TRPS1: variants seen among roughly 807,000 people sequenced by gnomAD.
TRPS1 encodes transcriptional repressor GATA binding 1, also known as zinc finger transcription factor Trps1.
TRPS1 carries 6 observed loss-of-function variants against 101.2 expected under a neutral mutation model. The observed-to-expected ratio is 0.06, with a 90% CI of 0.03 to 0.12. TRPS1 has a LOEUF of 0.12. Among genes scored for constraint, TRPS1 ranks in the 10% least tolerant of loss-of-function variants. The pLI is 1.00. For synonymous variants in TRPS1, 578 were observed against 589.8 expected, an observed-to-expected ratio of 0.98 and a Z score of 0.29; for missense variants, 1,363 against 1,567.0, an observed-to-expected ratio of 0.87 and a Z score of 2.20.
At chr8:115,655,523 A>T (rs1811658251) in intron 1 of TRPS1, among the ~76,000 whole-genome samples, 2 of 152,166 alleles carry the variant, frequency 1.3e-5, no homozygotes, top group South Asian at 4.1e-4. Flanking sequence ...AGGTGATTTC[A>T]TCTATTCTTC....
chr8:115,613,607 C>T (rs1488180707), intron 3 of TRPS1, among the ~76,000 whole-genome samples: 1 of 152,202 alleles, frequency 6.6e-6, no homozygotes, highest in Non-Finnish European at 1.5e-5. Flanking sequence ...TCTACTTATG[C>T]AACTCTGTGA....
intron 5 of TRPS1, among the ~76,000 whole-genome samples, chr8:115,542,627 G>A (rs1020644765): frequency 1.3e-5 from 2 of 152,056 alleles, no homozygotes; most frequent in African/African-American, 4.8e-5. Context: ...CCACTCCCAA[G>A]TTTGCACCCT....
At chr8:115,555,381 A>G (rs975743559) in intron 5 of TRPS1, among the ~76,000 whole-genome samples, 1 of 152,046 alleles carries the variant, frequency 6.6e-6, no homozygotes, top group African/African-American at 2.4e-5. Context: ...CACTTCCAAC[A>G]TCAAGAATTC....
chr8:115,538,203 C>A (rs1816368121), intron 5 of TRPS1, among the ~76,000 whole-genome samples: 1 of 152,142 alleles, frequency 6.6e-6, no homozygotes. Context: ...TGGGTGAAAC[C>A]AATTCAACCC....
chr8:115,421,753 G>A (rs1371737454), intron 5 of TRPS1, among the ~76,000 whole-genome samples: 1 of 152,202 alleles, frequency 6.6e-6, no homozygotes, highest in African/African-American at 2.4e-5. Flanking sequence ...GTCCTGAGCT[G>A]TGTCACTACA....
At chr8:115,520,176 A>G (rs547721935) in intron 5 of TRPS1, among the ~76,000 whole-genome samples, 2 of 151,860 alleles carry the variant, frequency 1.3e-5, no homozygotes, top group Admixed American at 6.6e-5. Flanking sequence ...TTTTAATTAC[A>G]TGAGGTTTTT....
At chr8:115,480,966 T>C (rs1259645916) in intron 5 of TRPS1, among the ~76,000 whole-genome samples, 2 of 152,092 alleles carry the variant, frequency 1.3e-5, no homozygotes, top group African/African-American at 2.4e-5. Context: ...TATTTAAATA[T>C]ACTTTAGGAG....
chr8:115,476,105 G>A lies in TRPS1; in HGVS notation c.2701-57653C>T, dbSNP rs1407769124. ...GGGATCTCGGCTCACTGCAAGCTCC[G>A]CCTCCCGGGTTCACGCCATTCTCCT... On this transcript the variant is annotated intron_variant, in intron 5 of 6. Transcript: ENST00000395715. 7.6e-4 allele frequency among the ~76,000 whole-genome samples: 15 copies of A among 19,778 alleles called. 6 individuals carry two copies. Among genetic ancestry groups the A allele is most frequent in the East Asian group, 0.011 (2 of 190 alleles). The allele number at this position is 19,778 out of a possible 152,430, so 13.0% of individuals were successfully genotyped here.
intron 5 of TRPS1, among the ~76,000 whole-genome samples, chr8:115,502,724 T>C (rs1332738738): frequency 1.3e-5 from 2 of 152,310 alleles, no homozygotes; most frequent in African/African-American, 4.8e-5. Context: ...CAATTCATCA[T>C]GCTTAGACTA....
intron 5 of TRPS1, among the ~76,000 whole-genome samples, chr8:115,562,865 A>T (rs1586405720): frequency 7.4e-6 from 1 of 135,314 alleles, no homozygotes; most frequent in African/African-American, 2.8e-5. Context: ...TACTCCCCCT[A>T]CCCACAGTGT....
intron 5 of TRPS1, among the ~76,000 whole-genome samples, chr8:115,429,447 C>T (rs920805900): frequency 2.0e-5 from 3 of 152,170 alleles, no homozygotes; most frequent in Non-Finnish European, 4.4e-5. Context: ...AAACTGCACT[C>T]ATACGAGCCT....
intron 4 of TRPS1, among the ~76,000 whole-genome samples, chr8:115,601,854 T>TC (rs1381490429): frequency 1.3e-5 from 2 of 152,124 alleles, no homozygotes; most frequent in Non-Finnish European, 2.9e-5. Flanking sequence ...CTCATTGAAC[T>TC]CCCATTAGGC....
At chr8:115,460,099 T>C (rs1200697255) in intron 5 of TRPS1, among the ~76,000 whole-genome samples, 1 of 152,148 alleles carries the variant, frequency 6.6e-6, no homozygotes, top group African/African-American at 2.4e-5. Context: ...GAGGAATCTC[T>C]CTCTTTTTTG....
At chr8:115,643,669 T>C (rs1818952636) in intron 1 of TRPS1, among the ~76,000 whole-genome samples, 1 of 152,192 alleles carries the variant, frequency 6.6e-6, no homozygotes, top group African/African-American at 2.4e-5. Context: ...ATCAACTTCT[T>C]CCAAACTTCT....
At chr8:115,525,132 A>C (rs1009569301) in intron 5 of TRPS1, among the ~76,000 whole-genome samples, 5 of 152,136 alleles carry the variant, frequency 3.3e-5, no homozygotes, top group Non-Finnish European at 7.4e-5. Flanking sequence ...ATTTTACCAG[A>C]AATTAAGTAT....
At chr8:115,629,261 GT>G (rs966122817) in intron 1 of TRPS1, among the ~76,000 whole-genome samples, 1 of 151,392 alleles carries the variant, frequency 6.6e-6, no homozygotes, top group Non-Finnish European at 1.5e-5. Context: ...TTGTTTTTTT[GT>G]TTTTTTTCCA....
intron 5 of TRPS1, among the ~76,000 whole-genome samples, chr8:115,476,982 C>CAT: frequency 6.6e-6 from 1 of 152,156 alleles, no homozygotes; most frequent in South Asian, 2.1e-4. Flanking sequence ...ATCTAAAAAT[C>CAT]ATATCATAAA....
rs182748324 is a variant in TRPS1 at position 115,417,039 on chromosome 8, C to A, written c.2823+1291G>T. ...TAAAAAACCTGAAAACTGAAAACAT[C>A]TTACCTCTGGAGAGATGAATATTAA... On this transcript the variant is annotated intron_variant, in intron 6 of 6. Coordinates refer to ENST00000395715, the MANE Select transcript of TRPS1 (RefSeq NM_014112.5). 1.1e-4 allele frequency among the ~76,000 whole-genome samples: 17 copies of A among 152,130 alleles called. No individual in the cohort carries two copies. The East Asian group carries it at 3.3e-3, about 29-fold the overall frequency.
intron 2 of TRPS1, among the ~76,000 whole-genome samples, chr8:115,621,732 G>A (rs1209053387): frequency 1.3e-5 from 2 of 151,914 alleles, no homozygotes; most frequent in Middle Eastern, 3.2e-3. Flanking sequence ...TGACCAACAT[G>A]GCGAAATTCC....
Sources: gnomAD v4.1 joint callset for allele counts (sites outside exome capture counted in the v4.1 genomes callset) on GRCh38, gnomAD v4.1.1 for gene constraint, MANE v1.5 for transcripts, NCBI Gene and HGNC (gene_info 2026-07-23, HGNC 2026-07-21) for gene names.